Variants in PHF14 observed in about 807,000 individuals in gnomAD.
PHF14 encodes the protein PHD finger protein 14.
Under a neutral mutation model 117.9 loss-of-function variants are expected in PHF14, and 55 were observed. That is an observed-to-expected ratio of 0.47 (90% CI 0.38 to 0.58). PHF14 has a LOEUF of 0.58. PHF14 is among the 20% of genes least tolerant of loss of function. PHF14 has a pLI of 0.00. For synonymous variants in PHF14, 409 were observed against 368.6 expected (o/e 1.11, Z -1.26); for missense variants, 978 against 1,122.2 (o/e 0.87, Z 1.84).
At chr7:10,991,159 G>A (rs766599226) in intron 4 of PHF14, among the ~76,000 whole-genome samples, 1 of 151,646 alleles carries the variant, frequency 6.6e-6, no homozygotes, top group African/African-American at 2.4e-5. Flanking sequence ...CCTAATTTTT[G>A]TGTTCTTTTT....
intron 4 of PHF14, among the ~76,000 whole-genome samples, chr7:11,008,199 A>T (rs973756655): frequency 6.6e-6 from 1 of 151,962 alleles, no homozygotes; most frequent in Non-Finnish European, 1.5e-5. Flanking sequence ...CCCCCTATTT[A>T]TTTTTCAGTT....
intron 3 of PHF14, 127 bp downstream of exon 3, chr7:10,983,286 C>T: frequency 2.1e-6 from 2 of 969,404 alleles, no homozygotes; most frequent in Non-Finnish European, 3.0e-6. Context: ...GATGAATGAG[C>T]ACCCTAACTG....
intron 17 of PHF14, among the ~76,000 whole-genome samples, chr7:11,114,579 TAGA>T (rs1238645856): frequency 6.6e-6 from 1 of 152,092 alleles, no homozygotes; most frequent in African/African-American, 2.4e-5. Flanking sequence ...CACCTAAAAG[TAGA>T]AGAATGACCA....
intron 17 of PHF14, among the ~76,000 whole-genome samples, chr7:11,163,167 T>G (rs1789099253): frequency 6.6e-6 from 1 of 152,192 alleles, no homozygotes; most frequent in Admixed American, 6.5e-5. Context: ...TAAAAAGAGC[T>G]CTATTCTACT....
chr7:11,040,050 G>A (rs1284898849), intron 11 of PHF14, among the ~76,000 whole-genome samples: 2 of 152,090 alleles, frequency 1.3e-5, no homozygotes, highest in African/African-American at 2.4e-5. Flanking sequence ...TTTAACAGAG[G>A]TTTGCAAATT....
chr7:11,062,532 T>A (rs559650004), intron 16 of PHF14: 1 of 205,116 alleles, frequency 4.9e-6, no homozygotes, highest in East Asian at 1.9e-4. Context: ...CACTTTCTTA[T>A]TGCTTATCAA....
chr7:10,996,503 G>A (rs1313361159), intron 4 of PHF14, among the ~76,000 whole-genome samples: 3 of 152,076 alleles, frequency 2.0e-5, no homozygotes, highest in Admixed American at 2.0e-4. Flanking sequence ...GTCAGTAAAT[G>A]TGTCAAATAA....
intron 5 of PHF14, among the ~76,000 whole-genome samples, chr7:11,019,321 CTTT>C (rs1392122487): frequency 6.6e-6 from 1 of 152,082 alleles, no homozygotes; most frequent in Non-Finnish European, 1.5e-5. Context: ...ATTAGTTCTT[CTTT>C]AAGTGTTTGG....
At chr7:11,062,917 T>C in intron 16 of PHF14, 1 of 982,732 alleles carries the variant, frequency 1.0e-6, no homozygotes, top group Non-Finnish European at 1.2e-6. Context: ...CTTTAAAAAA[T>C]TGTCTTCTGG....
At chr7:11,057,241 G>A (rs1384756773) in intron 14 of PHF14, among the ~76,000 whole-genome samples, 1 of 152,044 alleles carries the variant, frequency 6.6e-6, no homozygotes, top group Non-Finnish European at 1.5e-5. Flanking sequence ...CATTTGACTT[G>A]ATTGCAAATT....
At chr7:11,064,966 T>A (rs1431432603) in intron 16 of PHF14, among the ~76,000 whole-genome samples, 1 of 152,104 alleles carries the variant, frequency 6.6e-6, no homozygotes, top group Non-Finnish European at 1.5e-5. Flanking sequence ...AATACATGTA[T>A]GTGTGCATTG....
intron 17 of PHF14, among the ~76,000 whole-genome samples, chr7:11,166,169 A>G (rs1269604416): frequency 6.6e-6 from 1 of 152,176 alleles, no homozygotes; most frequent in Non-Finnish European, 1.5e-5. Flanking sequence ...AAGCCTGTCT[A>G]CTTTCCAGTA....
At chr7:10,982,285 T>C (rs1562559906) in intron 2 of PHF14, 87 bp from the exon 3 acceptor site, 4 of 810,116 alleles carry the variant, frequency 4.9e-6, no homozygotes, top group Admixed American at 3.5e-5. Context: ...TCACAAATTT[T>C]GGTGGTTTCA....
chr7:11,036,258 A>G (rs1784324096), intron 8 of PHF14, among the ~76,000 whole-genome samples, 160 bp from the exon 9 acceptor site: 1 of 152,236 alleles, frequency 6.6e-6, no homozygotes, highest in African/African-American at 2.4e-5. Flanking sequence ...CTCAAAAATT[A>G]TACAGTATAC....
chr7:11,026,722 G>GTT (rs577300752), intron 6 of PHF14, among the ~76,000 whole-genome samples: 9 of 125,852 alleles, frequency 7.2e-5, no homozygotes, highest in African/African-American at 2.3e-4. Flanking sequence ...GTTGAAGCTT[G>GTT]TTTTTTTTTT....
chr7:11,101,473 A>G (rs1787088809), intron 16 of PHF14, among the ~76,000 whole-genome samples: 1 of 151,906 alleles, frequency 6.6e-6, no homozygotes, highest in Admixed American at 6.6e-5. Context: ...GCACTGAAAA[A>G]AGTTAGCACG....
In PHF14 at chr7:11,053,404, CTTTT is replaced by C. The variant is rs143275095; in HGVS notation, c.2481+1628_2481+1631del. Among the ~76,000 whole-genome samples, 1,519 of 151,958 alleles carry C rather than the reference CTTTT, an allele frequency of 1.0e-2. 25 individuals carry two copies. Among genetic ancestry groups the C allele is most frequent in the African/African-American group, 0.035 (1,453 of 41,484 alleles). ...TTTGTAGTTTCAACTGTTTATAACT[CTTTT>C]TTTAGGCTTCAAAAATATATTTTGT... On this transcript the variant is annotated intron_variant, in intron 14 of 17. Transcript: ENST00000634607.
intron 17 of PHF14, among the ~76,000 whole-genome samples, chr7:11,126,032 AG>A (rs1229203921): frequency 1.3e-5 from 2 of 152,102 alleles, no homozygotes; most frequent in African/African-American, 4.8e-5. Flanking sequence ...CGTGTTCTTG[AG>A]GGCTGGACCA....
At chr7:11,075,460 A>G (rs544313395) in intron 16 of PHF14, among the ~76,000 whole-genome samples, 1 of 152,154 alleles carries the variant, frequency 6.6e-6, no homozygotes, top group East Asian at 1.9e-4. Flanking sequence ...GGGAGCTGGC[A>G]TATCACATAG....
Sources: gnomAD v4.1 joint callset for allele counts (sites outside exome capture counted in the v4.1 genomes callset) on GRCh38, gnomAD v4.1.1 for gene constraint, MANE v1.5 for transcripts, NCBI Gene and HGNC (gene_info 2026-07-23, HGNC 2026-07-21) for gene names.